Variants in HAO1 observed in about 807,000 individuals in gnomAD.
The protein encoded by HAO1 is 2-Hydroxyacid oxidase 1.
In HAO1, 34 loss-of-function variants were observed where a neutral mutation model predicts 39.7. The observed-to-expected ratio is 0.86, with a 90% CI of 0.65 to 1.14. HAO1 has a LOEUF of 1.14. Among genes scored for constraint, HAO1 ranks in the 50% most tolerant of loss-of-function variants. The pLI is 0.00. For missense variants in HAO1, 479 were observed against 464.5 expected (o/e 1.03, Z -0.29); for synonymous variants, 172 against 173.2 (o/e 0.99, Z 0.05).
intron 2 of HAO1, among the ~76,000 whole-genome samples, chr20:7,921,318 A>T (rs936238161): frequency 2.6e-5 from 4 of 152,160 alleles, no homozygotes; most frequent in Non-Finnish European, 5.9e-5. Flanking sequence ...CTTCTCAAAC[A>T]AAGGCATAAA....
At chr20:7,888,530 G>C (rs2050160384) in intron 5 of HAO1, among the ~76,000 whole-genome samples, 1 of 152,136 alleles carries the variant, frequency 6.6e-6, no homozygotes, top group African/African-American at 2.4e-5. Context: ...AAACGCAAAA[G>C]AGACAGAGTC....
intron 2 of HAO1, among the ~76,000 whole-genome samples, chr20:7,927,593 C>T (rs1352717884): frequency 6.6e-6 from 1 of 152,122 alleles, no homozygotes; most frequent in Non-Finnish European, 1.5e-5. Context: ...CTTTAAAAGA[C>T]TTCTTAGAAT....
intron 3 of HAO1, among the ~76,000 whole-genome samples, chr20:7,906,546 T>G (rs1568513765): frequency 6.6e-6 from 1 of 152,174 alleles, no homozygotes; most frequent in Non-Finnish European, 1.5e-5. Context: ...AAATTTTATT[T>G]TACATCTTAG....
chr20:7,914,766 C>T (rs1479516576), intron 2 of HAO1, among the ~76,000 whole-genome samples: 2 of 152,102 alleles, frequency 1.3e-5, no homozygotes, highest in Non-Finnish European at 2.9e-5. Flanking sequence ...GAACATCCAG[C>T]CTTAGGGGAT....
intron 5 of HAO1, among the ~76,000 whole-genome samples, chr20:7,889,519 G>A (rs1166153965): frequency 1.3e-5 from 2 of 152,158 alleles, no homozygotes; most frequent in Non-Finnish European, 2.9e-5. Flanking sequence ...ACCATGAGGT[G>A]ATAAGCGTAT....
At chr20:7,932,039 A>C (rs2050388070) in intron 2 of HAO1, among the ~76,000 whole-genome samples, 1 of 152,124 alleles carries the variant, frequency 6.6e-6, no homozygotes, top group African/African-American at 2.4e-5. Context: ...AGGTGATTGG[A>C]TCATGGGGGT....
intron 2 of HAO1, among the ~76,000 whole-genome samples, chr20:7,918,003 AT>A: frequency 6.6e-6 from 1 of 152,338 alleles, no homozygotes; most frequent in Admixed American, 6.5e-5. Context: ...TGCTGGAGTT[AT>A]TGCTGCTCAG....
chr20:7,899,103 A>T (rs922978094), intron 4 of HAO1, among the ~76,000 whole-genome samples: 3 of 152,114 alleles, frequency 2.0e-5, no homozygotes, highest in African/African-American at 7.2e-5. Context: ...CAATAAACAG[A>T]TCCTGTACAG....
chr20:7,918,414 C>T (rs1212318527), intron 2 of HAO1, among the ~76,000 whole-genome samples: 1 of 152,168 alleles, frequency 6.6e-6, no homozygotes, highest in South Asian at 2.1e-4. Context: ...TTGGTACATA[C>T]CAGAATGGCA....
intron 4 of HAO1, among the ~76,000 whole-genome samples, chr20:7,901,349 A>T (rs983371102): frequency 6.6e-6 from 1 of 152,158 alleles, no homozygotes; most frequent in Non-Finnish European, 1.5e-5. Flanking sequence ...AGAAGATGCC[A>T]TCTAGGACTT....
chr20:7,928,407 T>C (rs2050369620), intron 2 of HAO1, among the ~76,000 whole-genome samples: 2 of 152,012 alleles, frequency 1.3e-5, no homozygotes, highest in South Asian at 4.2e-4. Context: ...CATTTATTTA[T>C]ATACTGAAAA....
chr20:7,929,679 C>T (rs1262412916), intron 2 of HAO1, among the ~76,000 whole-genome samples: 3 of 152,104 alleles, frequency 2.0e-5, no homozygotes, highest in African/African-American at 7.2e-5. Flanking sequence ...TCCTGGCCAA[C>T]ATGGTGAAAC....
intron 2 of HAO1, among the ~76,000 whole-genome samples, chr20:7,927,908 G>T (rs564047692): frequency 2.0e-5 from 3 of 152,080 alleles, no homozygotes; most frequent in Non-Finnish European, 4.4e-5. Flanking sequence ...TCTAAGCCTC[G>T]ATTTCCACAC....
chr20:7,919,424 A>G (rs201911727), intron 2 of HAO1, among the ~76,000 whole-genome samples: 3,769 of 138,780 alleles, frequency 0.027, 65 homozygotes, highest in Middle Eastern at 0.042. Flanking sequence ...AGGAAATTGC[A>G]TATGACACAC....
intron 4 of HAO1, among the ~76,000 whole-genome samples, chr20:7,902,723 A>G (rs1020204921): frequency 2.0e-5 from 3 of 152,158 alleles, no homozygotes; most frequent in East Asian, 1.9e-4. Flanking sequence ...AAGAAAAAGA[A>G]AAGAACTCTA....
At chr20:7,938,703 G>T (rs1423112148) in intron 1 of HAO1, among the ~76,000 whole-genome samples, 1 of 152,070 alleles carries the variant, frequency 6.6e-6, no homozygotes, top group Non-Finnish European at 1.5e-5. Context: ...GGCCCATTTT[G>T]CATCAATTCA....
intron 4 of HAO1, among the ~76,000 whole-genome samples, chr20:7,900,096 G>A (rs747721680): frequency 2.6e-5 from 4 of 152,036 alleles, no homozygotes; most frequent in South Asian, 2.1e-4. Flanking sequence ...ACTAAATCCC[G>A]GACACATGAC....
chr20:7,885,422 A>G, intron 7 of HAO1, 99 bp downstream of exon 7: 1 of 794,668 alleles, frequency 1.3e-6, no homozygotes, highest in Admixed American at 2.0e-5. Context: ...TACTCAAATG[A>G]TCCCACACTC....
At chr20:7,920,564 G>A (rs1600117010) in intron 2 of HAO1, among the ~76,000 whole-genome samples, 1 of 152,174 alleles carries the variant, frequency 6.6e-6, no homozygotes, top group East Asian at 1.9e-4. Flanking sequence ...TGATCAATAT[G>A]TCACTTTCCT....
Sources: allele counts gnomAD v4.1 joint callset (sites outside exome capture counted in the v4.1 genomes callset), GRCh38; gene constraint gnomAD v4.1.1; transcripts MANE v1.5; gene names NCBI Gene and HGNC (gene_info 2026-07-23, HGNC 2026-07-21).